Variants in EDIL3 observed in about 807,000 individuals in gnomAD.
EDIL3 encodes the protein EGF like and discoidin domains 3, also known as EGF-like repeat and discoidin I-like domain-containing protein 3.
Under a neutral mutation model 67.4 loss-of-function variants are expected in EDIL3, and 37 were observed. The ratio of observed to expected loss-of-function variants is 0.55; its 90% confidence interval spans 0.42 to 0.72. EDIL3 has a LOEUF of 0.72. Among genes scored for constraint, EDIL3 ranks in the 30% least tolerant of loss-of-function variants. The pLI, the probability that EDIL3 is intolerant of heterozygous loss-of-function variation, is 0.00. For synonymous variants in EDIL3, 195 were observed against 196.3 expected (o/e 0.99, Z 0.05); for missense variants, 527 against 586.3 (o/e 0.90, Z 1.04).
At chr5:84,011,723 T>C (rs181904446) in intron 9 of EDIL3, among the ~76,000 whole-genome samples, 156 of 151,850 alleles carry the variant, frequency 1.0e-3, no homozygotes, top group African/African-American at 3.7e-3. Flanking sequence ...ACTAAGCTTA[T>C]TCCTTCTTTA....
chr5:84,230,697 G>A (rs1291563376), intron 2 of EDIL3, among the ~76,000 whole-genome samples: 2 of 151,424 alleles, frequency 1.3e-5, no homozygotes, highest in South Asian at 2.1e-4. Context: ...ATGAGCCACC[G>A]AACCCGGCCT....
intron 1 of EDIL3, among the ~76,000 whole-genome samples, chr5:84,355,250 A>G (rs549148930): frequency 3.3e-5 from 5 of 151,994 alleles, no homozygotes; most frequent in Admixed American, 1.3e-4. Flanking sequence ...AATCTCTGAT[A>G]TCCTTTCTTC....
intron 5 of EDIL3, among the ~76,000 whole-genome samples, chr5:84,119,125 A>C (rs1747725329): frequency 6.7e-6 from 1 of 149,608 alleles, no homozygotes; most frequent in African/African-American, 2.4e-5. Context: ...AAAAAGTCGT[A>C]GTTGGAGGAG....
chr5:84,185,658 G>A (rs1215722506), intron 3 of EDIL3, among the ~76,000 whole-genome samples: 1 of 152,034 alleles, frequency 6.6e-6, no homozygotes, highest in Non-Finnish European at 1.5e-5. Flanking sequence ...CAATAATTAA[G>A]TTAGATATTT....
intron 3 of EDIL3, among the ~76,000 whole-genome samples, chr5:84,215,676 T>C (rs1432773070): frequency 1.3e-5 from 2 of 152,186 alleles, no homozygotes; most frequent in African/African-American, 4.8e-5. Context: ...TGCACCTTCA[T>C]GTGAAGACAT....
chr5:83,955,744 A>G (rs942042479), intron 10 of EDIL3, among the ~76,000 whole-genome samples: 1 of 151,708 alleles, frequency 6.6e-6, no homozygotes, highest in Non-Finnish European at 1.5e-5. Flanking sequence ...TGCCTGATGT[A>G]TATTTGTTTC....
chr5:84,120,031 T>C (rs1747743559), intron 5 of EDIL3, among the ~76,000 whole-genome samples: 1 of 152,022 alleles, frequency 6.6e-6, no homozygotes, highest in Admixed American at 6.6e-5. Flanking sequence ...GCCAACTCTT[T>C]TCATAATCTG....
chr5:84,070,038 GGC>G (rs1746709512), intron 6 of EDIL3, among the ~76,000 whole-genome samples: 1 of 151,924 alleles, frequency 6.6e-6, no homozygotes, highest in Admixed American at 6.6e-5. Flanking sequence ...AGGGGAATTT[GGC>G]CAGGACAGTT....
chr5:83,945,411 G>A (rs1047630256), intron 10 of EDIL3, among the ~76,000 whole-genome samples: 9 of 151,866 alleles, frequency 5.9e-5, no homozygotes, highest in Non-Finnish European at 1.0e-4. Flanking sequence ...AATTTAATAC[G>A]GAATCTAAAA....
Position 84,050,905 on chromosome 5 carries a change from A to G in EDIL3, c.1137+9395T>C, listed in dbSNP as rs186822147. ...TCTGGGGGCAGGGCATAGCCGAACA[A>G]AAGGCAGTAGAAACCTCTGCAGACC... On this transcript the variant is annotated intron_variant, in intron 9 of 10. Coordinates refer to ENST00000296591, the MANE Select transcript of EDIL3 (RefSeq NM_005711.5). Among the ~76,000 whole-genome samples the G allele has an allele frequency of 7.3e-3, 1,110 of 152,340 alleles. 17 individuals carry two copies. The highest frequency in any genetic ancestry group is 0.026 in the African/African-American group (1,073 of 41,576).
In EDIL3 at chr5:84,091,177, T is replaced by G. The variant is rs957174031; in HGVS notation, c.651+15472A>C. On this transcript the variant is annotated intron_variant, in intron 6 of 10. Coordinates refer to ENST00000296591, the MANE Select transcript of EDIL3 (RefSeq NM_005711.5). ...TAGCTGCCTGGGTTTGACTCCCAAC[T>G]TTTCAACTTACTAAGTTTAGTAAAC... 6.6e-5 allele frequency among the ~76,000 whole-genome samples: 10 copies of G among 152,214 alleles called. 1 individual carries two copies. Among genetic ancestry groups the G allele is most frequent in the African/African-American group, 2.4e-4 (10 of 41,544 alleles).
intron 4 of EDIL3, among the ~76,000 whole-genome samples, chr5:84,165,263 G>A (rs1471262394): frequency 6.6e-6 from 1 of 151,990 alleles, no homozygotes; most frequent in Non-Finnish European, 1.5e-5. Context: ...ACATTGAATT[G>A]TTCCCATATT....
intron 10 of EDIL3, among the ~76,000 whole-genome samples, chr5:83,945,035 A>G (rs1482357148): frequency 6.6e-6 from 1 of 151,972 alleles, no homozygotes; most frequent in Non-Finnish European, 1.5e-5. Flanking sequence ...AAAGAAAAAA[A>G]TCATATTCTC....
intron 1 of EDIL3, among the ~76,000 whole-genome samples, chr5:84,340,247 G>GA (rs908684595): frequency 9.4e-5 from 14 of 149,502 alleles, no homozygotes; most frequent in African/African-American, 2.4e-4. Flanking sequence ...TTAACAACAA[G>GA]AAAAAAAAAT....
In EDIL3 at chr5:84,128,557, A is replaced by C. The variant is rs111963818; in HGVS notation, c.469+8684T>G. On this transcript the variant is annotated intron_variant, in intron 5 of 10. Coordinates refer to ENST00000296591, the MANE Select transcript of EDIL3 (RefSeq NM_005711.5). ...TTCTTTTCTAGTAGTTTCCTAACAG[A>C]GAGGTTTTTTTGTGTTTTTTGTTTT... 6.5e-3 allele frequency among the ~76,000 whole-genome samples: 983 copies of C among 152,094 alleles called. 12 individuals carry two copies. The highest frequency in any genetic ancestry group is 0.023 in the African/African-American group (942 of 41,512).
intron 4 of EDIL3, among the ~76,000 whole-genome samples, chr5:84,149,334 T>C (rs1303324471): frequency 6.6e-6 from 1 of 152,008 alleles, no homozygotes; most frequent in Non-Finnish European, 1.5e-5. Context: ...GAGGGAGCAA[T>C]ACTTGGAGCC....
chr5:84,207,217 A>T (rs1021347932), intron 3 of EDIL3, among the ~76,000 whole-genome samples: 58 of 152,182 alleles, frequency 3.8e-4, no homozygotes, highest in Admixed American at 7.2e-4. Flanking sequence ...ACAAAATCAA[A>T]GTACAAAAAT....
chr5:84,047,143 A>C (rs1746238706), intron 9 of EDIL3, among the ~76,000 whole-genome samples: 1 of 152,144 alleles, frequency 6.6e-6, no homozygotes, highest in Non-Finnish European at 1.5e-5. Context: ...GCATTTTTTA[A>C]TGTACCACTA....
chr5:84,003,118 C>T lies in EDIL3; in HGVS notation c.1138-39758G>A, dbSNP rs886432074. ...TGTTTTATTTGCACCTCCAGGACAC[C>T]GCAGCCACACTATAGAAAGGAGGCC... On this transcript the variant is annotated intron_variant, in intron 9 of 10. Transcript: ENST00000296591. 5.3e-5 allele frequency among the ~76,000 whole-genome samples: 8 copies of T among 152,158 alleles called. No homozygotes were observed. In the East Asian group the frequency reaches 7.7e-4, roughly 15 times the overall value.
Sources: allele counts gnomAD v4.1 joint callset (sites outside exome capture counted in the v4.1 genomes callset), GRCh38; gene constraint gnomAD v4.1.1; transcripts MANE v1.5; gene names NCBI Gene and HGNC (gene_info 2026-07-23, HGNC 2026-07-21).